Variants in ABHD12B observed in about 807,000 individuals in gnomAD.
The protein encoded by ABHD12B is abhydrolase domain containing 12B, also known as protein ABHD12B.
ABHD12B carries 42 observed loss-of-function variants against 50.4 expected under a neutral mutation model. That is an observed-to-expected ratio of 0.83 (90% CI 0.65 to 1.08). ABHD12B has a LOEUF of 1.08. ABHD12B is among the 50% of genes least tolerant of loss of function. The pLI is 0.00. For synonymous variants in ABHD12B, 167 were observed against 160.3 expected (o/e 1.04, Z -0.32); for missense variants, 479 against 447.7 (o/e 1.07, Z -0.63).
intron 1 of ABHD12B, among the ~76,000 whole-genome samples, chr14:50,877,095 G>T (rs138892019): frequency 6.6e-6 from 1 of 152,102 alleles, no homozygotes; most frequent in Non-Finnish European, 1.5e-5. Flanking sequence ...GAACAATAGC[G>T]TAGGCAAGAT....
At chr14:50,890,710 GTTGT>G (rs1422671377) in intron 9 of ABHD12B, among the ~76,000 whole-genome samples, 4 of 152,060 alleles carry the variant, frequency 2.6e-5, no homozygotes, top group African/African-American at 2.4e-5. Flanking sequence ...GATCTATTGT[GTTGT>G]TTATTATATT....
chr14:50,872,213 G>A lies in ABHD12B; in HGVS notation c.39G>A (p.Glu13=), dbSNP rs1347426959. The A allele has an allele frequency of 6.5e-6, 9 of 1,379,604 alleles. No individual in the cohort carries two copies. The highest frequency in any genetic ancestry group is 5.2e-4 in the Middle Eastern group (2 of 3,842). The allele number at this position is 1,379,604 out of a possible 1,614,324, so 85.5% of individuals were successfully genotyped here. Residue 13 remains glutamate (E), a synonymous_variant, in exon 1 of 13, where the codon GAG becomes GAA. Coordinates refer to ENST00000337334, the MANE Select transcript of ABHD12B (RefSeq NM_001206673.2). ...ACTGCCAGGCGGCCGCATCGCCCGA[G>A]CCGCCCGGGCCCCCAGCCCGTAGCT... ...AQDCQAAASP[E]PPGPPARSCV...
At chr14:50,893,159 A>C (rs2050143021) in intron 9 of ABHD12B, 1 of 152,204 alleles carries the variant, frequency 6.6e-6, no homozygotes, top group Non-Finnish European at 1.5e-5. Context: ...CCATGCTTAA[A>C]TTTGTCAGGC....
intron 1 of ABHD12B, 36 bp from the exon 2 acceptor site, chr14:50,877,916 T>C (rs1474595295): frequency 6.8e-7 from 1 of 1,465,474 alleles, no homozygotes; most frequent in Admixed American, 2.7e-5. Context: ...AATGGATTAA[T>C]TTCGAAAACC....
intron 8 of ABHD12B, among the ~76,000 whole-genome samples, chr14:50,888,313 T>C (rs8010470): frequency 0.96 from 145,557 of 151,800 alleles, 70,071 homozygotes; most frequent in Middle Eastern, 1. Context: ...AAGCGATTCT[T>C]CTGCCTCAGC....
chr14:50,880,587 T>A lies in ABHD12B; in HGVS notation c.455+16T>A. 6.5e-7 allele frequency: 1 copy of A among 1,541,624 alleles called. No homozygotes were observed. The highest frequency in any genetic ancestry group is 8.7e-7 in the Non-Finnish European group (1 of 1,143,472). On this transcript the variant is annotated intron_variant, in intron 4 of 12. Coordinates refer to ENST00000337334, the MANE Select transcript of ABHD12B (RefSeq NM_001206673.2). ...CAGAACACAGGTCAGTGGCTCTGCT[T>A]ACATATTTTTTTTTCAGGAGATTGA...
chr14:50,877,857 A>C (rs558158313), intron 1 of ABHD12B, 95 bp from the exon 2 acceptor site: 1 of 1,219,628 alleles, frequency 8.2e-7, no homozygotes, highest in African/African-American at 2.0e-5. Flanking sequence ...ACAAGAGCAG[A>C]ACTCTGTCCA....
chr14:50,879,512 A>G (rs1199686894), intron 3 of ABHD12B, among the ~76,000 whole-genome samples: 1 of 152,208 alleles, frequency 6.6e-6, no homozygotes, highest in African/African-American at 2.4e-5. Flanking sequence ...TTGTCTTACA[A>G]TGCTAACCTT....
At position 50,872,145 on chromosome 14, in the gene ABHD12B, C is replaced by T; in HGVS notation, c.-30C>T. The T allele has an allele frequency of 2.4e-6, 3 of 1,266,254 alleles. No individual in the cohort carries two copies. The highest frequency in any genetic ancestry group is 3.0e-6 in the Non-Finnish European group (3 of 1,004,432). The allele number at this position is 1,266,254 out of a possible 1,614,324, so 78.4% of individuals were successfully genotyped here. On this transcript the variant is annotated 5_prime_UTR_variant, in exon 1 of 13. Coordinates refer to ENST00000337334, the MANE Select transcript of ABHD12B (RefSeq NM_001206673.2). The stretch of plus-strand genomic sequence containing the variant: ...CTGCTCCGGACTGCAGCTCCCGCGG[C>T]GGTGGCGGCGTATCGGGACACGGCG...
In ABHD12B at chr14:50,880,455, CA is replaced by C; in HGVS notation, c.340del (p.Thr114GlnfsTer45). On this transcript the variant is annotated frameshift_variant, in exon 4 of 13. Transcript: ENST00000337334. ...TTAAACCTCCCTTGCTCTTCAGGCA[CA>C]CAGTCCCCAGCTGCCGGGGGGAAGA... ...EPGVMLGIWHTVPSCRGEDAK... is the reference protein window; with the variant it reads ...EPGVMLGIWHXVPSCRGEDAK... 6.2e-7 allele frequency: 1 copy of C among 1,603,762 alleles called. No individual in the cohort carries two copies. Among genetic ancestry groups the C allele is most frequent in the East Asian group, 2.3e-5 (1 of 44,374 alleles).
rs375860025 is a variant in ABHD12B, at chr14:50,895,973, T to C, written c.781-5856T>C. 4.8e-3 allele frequency among the ~76,000 whole-genome samples: 728 copies of C among 152,252 alleles called. 6 individuals carry two copies. Among genetic ancestry groups the C allele is most frequent in the African/African-American group, 0.017 (689 of 41,534 alleles). ...TAACTAAATTATCTGCTTCCCTGAC[T>C]ATTCCTGGACTACAGCTATATCTCA... On this transcript the variant is annotated intron_variant, in intron 9 of 12. Coordinates refer to ENST00000337334, the MANE Select transcript of ABHD12B (RefSeq NM_001206673.2).
In ABHD12B at chr14:50,904,771, C is replaced by G. The variant is rs757064972; in HGVS notation, c.*405C>G. 3 of 277,526 alleles carry G rather than the reference C, an allele frequency of 1.1e-5. No homozygotes were observed. The Admixed American group carries it at 1.4e-4, about 13-fold the overall frequency. 17.2% of individuals were successfully genotyped at this position (277,526 alleles called of 1,614,324 possible). On this transcript the variant is annotated 3_prime_UTR_variant, in exon 13 of 13. Transcript: ENST00000337334. ...TGGTAATAGGAGGTGGGACTGAGCT[C>G]TGATGAATGAGATTAGTGCCCTTAT... is the stretch of plus-strand genomic sequence containing the variant.
intron 5 of ABHD12B, among the ~76,000 whole-genome samples, chr14:50,882,708 G>A (rs1459583416): frequency 6.6e-6 from 1 of 152,010 alleles, no homozygotes; most frequent in African/African-American, 2.4e-5. Context: ...AGGCATTCAA[G>A]GCTGGGTGCA....
At position 50,872,181 on chromosome 14, in the gene ABHD12B, G is replaced by A. The variant is rs751370582; in HGVS notation, c.7G>A (p.Ala3Thr). Residue 3 changes from alanine to threonine, a missense_variant, in exon 1 of 13, where the codon GCG (alanine) becomes ACG (threonine). By Grantham distance (58) the Ala-to-Thr change is moderately conservative (BLOSUM62 0). Transcript: ENST00000337334. Reference sequence around the variant, plus strand: ...TATCGGGACACGGCGCGGGATGGACGCGCAGGACTGCCAGGCGGCCGCATC... The same window carrying A: ...TATCGGGACACGGCGCGGGATGGACACGCAGGACTGCCAGGCGGCCGCATC... MD[A>T]QDCQAAASPE... 2.7e-5 allele frequency: 37 copies of A among 1,350,064 alleles called. No homozygotes were observed. The African/African-American group carries it at 4.2e-4, about 15-fold the overall frequency. 83.6% of individuals were successfully genotyped at this position (1,350,064 alleles called of 1,614,324 possible). A position where few individuals can be genotyped will look rare whatever the true frequency, so the allele number is the denominator to read the frequency against.
intron 5 of ABHD12B, among the ~76,000 whole-genome samples, chr14:50,884,901 A>G (rs769049752): frequency 1.3e-5 from 2 of 152,058 alleles, no homozygotes; most frequent in Non-Finnish European, 2.9e-5. Flanking sequence ...TCATTTCATG[A>G]AAAATTATGT....
intron 1 of ABHD12B, among the ~76,000 whole-genome samples, chr14:50,877,340 G>T (rs780517488): frequency 6.6e-6 from 1 of 152,158 alleles, no homozygotes; most frequent in African/African-American, 2.4e-5. Flanking sequence ...TGCAGCAACT[G>T]TTAAACTGTC....
At position 50,880,655 on chromosome 14, in the gene ABHD12B, T is replaced by C. The variant is rs532604655; in HGVS notation, c.455+84T>C. On this transcript the variant is annotated intron_variant, in intron 4 of 12. Coordinates refer to ENST00000337334, the MANE Select transcript of ABHD12B (RefSeq NM_001206673.2). ...GGGGGAATGAAGGACAGGGCTCTGT[T>C]TTTAACTCTGTAGGCATGCCTTCAC... The C allele has an allele frequency of 8.6e-6, 12 of 1,393,964 alleles. No homozygotes were observed. In the South Asian group the frequency reaches 2.0e-4, roughly 23 times the overall value. 86.3% of individuals were successfully genotyped at this position (1,393,964 alleles called of 1,614,324 possible).
In ABHD12B at chr14:50,902,908, C is replaced by T. The variant is rs146205098; in HGVS notation, c.864-481C>T. On this transcript the variant is annotated intron_variant, in intron 10 of 12. Transcript: ENST00000337334. ...CAGACCTGTTAACTGCACGTCCATC[C>T]TCTACATTTATGGAGAAAAGTAAAC... Among the ~76,000 whole-genome samples the T allele has an allele frequency of 5.6e-3, 852 of 152,298 alleles. 6 individuals are homozygous for T. The highest frequency in any genetic ancestry group is 0.02 in the African/African-American group (812 of 41,552).
At chr14:50,893,131 T>A (rs2050142408) in intron 9 of ABHD12B, 1 of 152,242 alleles carries the variant, frequency 6.6e-6, no homozygotes, top group East Asian at 1.9e-4. Context: ...TGTACGTCGA[T>A]TGAATCGGGA....
Sources: gnomAD v4.1 joint callset for allele counts (sites outside exome capture counted in the v4.1 genomes callset) on GRCh38, gnomAD v4.1.1 for gene constraint, MANE v1.5 for transcripts, NCBI Gene and HGNC (gene_info 2026-07-23, HGNC 2026-07-21) for gene names.